The following GLUL variants were observed in gnomAD, a reference collection of about 807,000 sequenced individuals.
The protein encoded by GLUL is glutamine synthetase.
Under a neutral mutation model 36.9 loss-of-function variants are expected in GLUL, and 8 were observed. That is an observed-to-expected ratio of 0.22 (90% CI 0.13 to 0.39). GLUL has a LOEUF of 0.39. GLUL is among the 10% of genes least tolerant of loss of function. The pLI is 1.00. For missense variants in GLUL, 315 were observed against 501.8 expected (o/e 0.63, Z 3.56); for synonymous variants, 182 against 172.8 (o/e 1.05, Z -0.42).
chr1:182,390,212 G>A, intron 1 of GLUL: 1 of 246,308 alleles, frequency 4.1e-6, no homozygotes, highest in Non-Finnish European at 7.5e-6. Context: ...GTAACAGATA[G>A]AGACTCTGTC....
chr1:182,390,206 C>A (rs1650349161), intron 1 of GLUL: 1 of 234,212 alleles, frequency 4.3e-6, no homozygotes, highest in Admixed American at 5.7e-5. Flanking sequence ...ACCTGGGTAA[C>A]AGATAGAGAC....
chr1:182,390,606 A>G (rs111759054), intron 1 of GLUL: 6 of 399,204 alleles, frequency 1.5e-5, no homozygotes, highest in African/African-American at 1.2e-4. Context: ...TGGTCCAAGC[A>G]CCGGAGCTTT....
chr1:182,381,222 G>A lies in GLUL; in HGVS notation c.*3183C>T, dbSNP rs1466365835. Among the ~76,000 whole-genome samples, 1 of 152,198 alleles carries A rather than the reference G, an allele frequency of 6.6e-6. No individual in the cohort carries two copies. Among genetic ancestry groups the A allele is most frequent in the East Asian group, 1.9e-4 (1 of 5,200 alleles). ...GCAGAAGTTGCAGTGAGCCAAGATT[G>A]CGCCACACTATACTCCAGCCTGGGT... On this transcript the variant is annotated 3_prime_UTR_variant, in exon 7 of 7. Coordinates refer to ENST00000331872, the MANE Select transcript of GLUL (RefSeq NM_001033044.4).
chr1:182,391,241 A>C (rs1024452817), intron 1 of GLUL: 17 of 398,730 alleles, frequency 4.3e-5, no homozygotes, highest in Non-Finnish European at 7.5e-5. Flanking sequence ...CGAAGGCCCC[A>C]CCACGAGGAA....
At position 182,388,739 on chromosome 1, in the gene GLUL, G is replaced by T. The variant is rs1650283411; in HGVS notation, c.-2C>A. On this transcript the variant is annotated 5_prime_UTR_variant, in exon 2 of 7. Transcript: ENST00000331872. ...GTGGGAACTTGCTGAGGTGGTCATG[G>T]TGGAAGGTGTTCTGGAGAAGAAAAA... 6.2e-7 allele frequency: 1 copy of T among 1,613,264 alleles called. No homozygotes were observed. Among genetic ancestry groups the T allele is most frequent in the Non-Finnish European group, 8.5e-7 (1 of 1,179,184 alleles).
chr1:182,380,076 G>A lies in GLUL; in HGVS notation c.*4329C>T, dbSNP rs1002276094. On this transcript the variant is annotated 3_prime_UTR_variant, in exon 7 of 7. Transcript: ENST00000331872. Reference sequence around the variant, plus strand: ...TTGGCCCGGCTGGTCTCAAACTCCCGATCTCAGGTGATCCACCTGCCTCGG... The same window carrying A: ...TTGGCCCGGCTGGTCTCAAACTCCCAATCTCAGGTGATCCACCTGCCTCGG... 3.9e-5 allele frequency among the ~76,000 whole-genome samples: 6 copies of A among 152,070 alleles called. No individual in the cohort carries two copies. Among genetic ancestry groups the A allele is most frequent in the African/African-American group, 1.2e-4 (5 of 41,502 alleles).
chr1:182,387,273 G>A lies in GLUL; in HGVS notation c.186C>T (p.Phe62=), dbSNP rs141126924. ...KCVEELPEWN[F]DGSSTLQSEG... is the part of the protein sequence containing the mutation. The stretch of plus-strand genomic sequence containing the variant: ...CAGACTGTAAAGTACTAGAGCCATC[G>A]AAATTCCACTCAGGCAACTCTGGGG... The change falls in exon 3 of 7, where the codon TTC becomes TTT. Residue 62 remains phenylalanine (F), a synonymous_variant. Transcript: ENST00000331872. 59 of 1,612,960 alleles carry A rather than the reference G, an allele frequency of 3.7e-5. 1 individual carries two copies. Among genetic ancestry groups the A allele is most frequent in the South Asian group, 3.0e-4 (27 of 91,060 alleles).
intron 1 of GLUL, chr1:182,390,576 CCT>C (rs1650368508): frequency 2.5e-6 from 1 of 399,060 alleles, no homozygotes; most frequent in Non-Finnish European, 4.4e-6. Flanking sequence ...TCGCGCCTCT[CCT>C]CTTTCTCAGA....
In GLUL at chr1:182,385,536, A is replaced by G. The variant is rs554548281; in HGVS notation, c.624T>C (p.Pro208=). The part of the protein sequence containing the change: ...MPAQWEFQIG[P]CEGISMGDHL... ...GATCTCCCATGCTGATTCCTTCACA[A>G]GGTCCAATCTGAAATTCCCACTAGA... Residue 208 remains proline (P), a synonymous_variant, in exon 6 of 7, where the codon CCT becomes CCC. Transcript: ENST00000331872. 4 of 1,614,120 alleles carry G rather than the reference A, an allele frequency of 2.5e-6. No homozygotes were observed. The highest frequency in any genetic ancestry group is 2.2e-5 in the East Asian group (1 of 44,886).
rs1649988678 is a variant in GLUL at position 182,382,703 on chromosome 1, G to A, written c.*1702C>T. ...CAAGATTGTGTGTAACTAAGTCTAG[G>A]TGAAAAACTTAATCCCTTAAGTCCC... is the stretch of plus-strand genomic sequence containing the variant. On this transcript the variant is annotated 3_prime_UTR_variant, in exon 7 of 7. Transcript: ENST00000331872. 6.6e-6 allele frequency: 1 copy of A among 152,162 alleles called. No individual in the cohort carries two copies. The highest frequency in any genetic ancestry group is 6.5e-5 in the Admixed American group (1 of 15,274). The allele number at this position is 152,162 out of a possible 1,614,324, so 9.4% of individuals were successfully genotyped here. A position where few individuals can be genotyped will look rare whatever the true frequency, so the allele number is the denominator to read the frequency against.
intron 3 of GLUL, 198 bp from the exon 4 acceptor site, chr1:182,386,600 ACT>A (rs1488206445): frequency 1.6e-6 from 1 of 626,142 alleles, no homozygotes; most frequent in Admixed American, 2.5e-5. Flanking sequence ...CTGTAGGAAG[ACT>A]CTGAAAGACT....
rs556855966 is a variant in GLUL, at chr1:182,378,782, A to T, written c.*5623T>A. 1.6e-4 allele frequency among the ~76,000 whole-genome samples: 24 copies of T among 151,044 alleles called. No individual in the cohort carries two copies. Among genetic ancestry groups the T allele is most frequent in the Non-Finnish European group, 3.0e-4 (20 of 67,666 alleles). The stretch of plus-strand genomic sequence containing the variant: ...TCTGCATATTGTAAAATGAAATAGA[A>T]TTTTTTTTTTCTTGAGATGGAGTCA... On this transcript the variant is annotated 3_prime_UTR_variant, in exon 7 of 7. Coordinates refer to ENST00000331872, the MANE Select transcript of GLUL (RefSeq NM_001033044.4).
At chr1:182,391,232 G>A in intron 1 of GLUL, 1 of 398,752 alleles carries the variant, frequency 2.5e-6, no homozygotes, top group Non-Finnish European at 4.4e-6. Context: ...CGATTGCTCC[G>A]AAGGCCCCAC....
At chr1:182,384,873 G>A (rs980564866) in intron 6 of GLUL, 150 bp from the exon 7 acceptor site, 1 of 696,638 alleles carries the variant, frequency 1.4e-6, no homozygotes, top group Non-Finnish European at 2.6e-6. Context: ...GGTGAGAACA[G>A]TGCCCGACAA....
At chr1:182,389,114 T>C (rs551553962) in intron 1 of GLUL, 98 of 340,384 alleles carry the variant, frequency 2.9e-4, no homozygotes, top group African/African-American at 2.0e-3. Context: ...CTAGAACTTA[T>C]ACTTGTGAGG....
chr1:182,383,116 T>A lies in GLUL; in HGVS notation c.*1289A>T, dbSNP rs191614640. The stretch of plus-strand genomic sequence containing the variant: ...ATTCCTTATTATAAAAGAAAAAAAA[T>A]AATTCTTCAGCAGTCTTAACAAAGA... On this transcript the variant is annotated 3_prime_UTR_variant, in exon 7 of 7. Transcript: ENST00000331872. 1.3e-5 allele frequency: 2 copies of A among 151,912 alleles called. No homozygotes were observed. Among genetic ancestry groups the A allele is most frequent in the South Asian group, 4.2e-4 (2 of 4,814 alleles). 9.4% of individuals were successfully genotyped at this position (151,912 alleles called of 1,614,324 possible). A position where few individuals can be genotyped will look rare whatever the true frequency, so the allele number is the denominator to read the frequency against.
rs567317420 is a variant in GLUL at position 182,383,938 on chromosome 1, C to G, written c.*467G>C. On this transcript the variant is annotated 3_prime_UTR_variant, in exon 7 of 7. Coordinates refer to ENST00000331872, the MANE Select transcript of GLUL (RefSeq NM_001033044.4). Reference sequence around the variant, plus strand: ...CTGATTCCCAACCCCTACCTTCTCTCCTAATTCCCACTTTTAATAGAAAAG... The same window carrying G: ...CTGATTCCCAACCCCTACCTTCTCTGCTAATTCCCACTTTTAATAGAAAAG... 5.0e-6 allele frequency: 1 copy of G among 199,500 alleles called. No individual in the cohort carries two copies. Among genetic ancestry groups the G allele is most frequent in the African/African-American group, 2.3e-5 (1 of 42,980 alleles). The allele number at this position is 199,500 out of a possible 1,614,324, so 12.4% of individuals were successfully genotyped here. A position where few individuals can be genotyped will look rare whatever the true frequency, so the allele number is the denominator to read the frequency against.
chr1:182,385,658 T>C (rs1650144304), intron 5 of GLUL, 102 bp from the exon 6 acceptor site: 1 of 1,558,130 alleles, frequency 6.4e-7, no homozygotes, highest in Non-Finnish European at 8.9e-7. Flanking sequence ...AACCCGTTCT[T>C]AGGTTTTGGG....
intron 2 of GLUL, 53 bp downstream of exon 2, chr1:182,388,519 A>ACCC (rs781485480): frequency 2.1e-5 from 31 of 1,487,616 alleles, no homozygotes; most frequent in Non-Finnish European, 1.6e-5. Context: ...GCTGCTGCCC[A>ACCC]CCCCTCTGCA....
Sources: allele counts gnomAD v4.1 joint callset (sites outside exome capture counted in the v4.1 genomes callset), GRCh38; gene constraint gnomAD v4.1.1; transcripts MANE v1.5; gene names NCBI Gene and HGNC (gene_info 2026-07-23, HGNC 2026-07-21).